The following GPATCH2L variants were observed in gnomAD, a reference collection of about 807,000 sequenced individuals.
GPATCH2L encodes G-patch domain containing 2 like.
Under a neutral mutation model 57.4 loss-of-function variants are expected in GPATCH2L, and 31 were observed. That is an observed-to-expected ratio of 0.54 (90% CI 0.41 to 0.73). GPATCH2L has a LOEUF of 0.73. Among genes scored for constraint, GPATCH2L ranks in the 30% least tolerant of loss-of-function variants. The pLI is 0.00. For missense variants in GPATCH2L, 481 were observed against 599.9 expected, an observed-to-expected ratio of 0.80 and a Z score of 2.07; for synonymous variants, 199 against 210.7, an observed-to-expected ratio of 0.94 and a Z score of 0.48.
At position 76,202,444 on chromosome 14, in the gene GPATCH2L, G is replaced by A. The variant is rs1031419278; in HGVS notation, c.*593G>A. The A allele has an allele frequency of 6.6e-6, 1 of 152,572 alleles. No individual in the cohort carries two copies. The highest frequency in any genetic ancestry group is 2.4e-5 in the African/African-American group (1 of 41,404). 9.5% of individuals were successfully genotyped at this position (152,572 alleles called of 1,614,324 possible). ...ACTTCCATTTTTTTGCAGATTGTCT[G>A]CAGAAACTCAGACAGCTCATCAGCA... On this transcript the variant is annotated 3_prime_UTR_variant, in exon 10 of 10. Coordinates refer to ENST00000261530, the MANE Select transcript of GPATCH2L (RefSeq NM_017926.4).
chr14:76,230,154 G>A (rs144129107), intron 2 of GPATCH2L, among the ~76,000 whole-genome samples: 55 of 152,320 alleles, frequency 3.6e-4, no homozygotes, highest in African/African-American at 1.2e-3. Context: ...TTAAGGGACA[G>A]CCTAGCCTTG....
intron 1 of GPATCH2L, among the ~76,000 whole-genome samples, chr14:76,220,357 A>T (rs1434359033): frequency 6.6e-6 from 1 of 152,246 alleles, no homozygotes; most frequent in East Asian, 1.9e-4. Context: ...TGATATAGCT[A>T]TACAAATATC....
Position 76,202,026 on chromosome 14 carries a change from A to C in GPATCH2L, c.*175A>C. 2.0e-6 allele frequency: 1 copy of C among 502,518 alleles called. No homozygotes were observed. 31.1% of individuals were successfully genotyped at this position (502,518 alleles called of 1,614,324 possible). ...TTCTCTCAGAAGATCATGTTGTGGGAATCTTTTTTTTAAATAGTGAAATAT... is the reference window on the plus strand; with the variant it reads ...TTCTCTCAGAAGATCATGTTGTGGGCATCTTTTTTTTAAATAGTGAAATAT... On this transcript the variant is annotated 3_prime_UTR_variant, in exon 10 of 10. Coordinates refer to ENST00000261530, the MANE Select transcript of GPATCH2L (RefSeq NM_017926.4).
intron 1 of GPATCH2L, among the ~76,000 whole-genome samples, chr14:76,223,621 A>T (rs1003200653): frequency 1.3e-5 from 2 of 152,226 alleles, no homozygotes; most frequent in African/African-American, 4.8e-5. Context: ...CTTCAAAAAG[A>T]CACTGTCAAG....
chr14:76,164,187 C>T (rs1420633259), intron 2 of GPATCH2L, among the ~76,000 whole-genome samples: 1 of 152,186 alleles, frequency 6.6e-6, no homozygotes, highest in Non-Finnish European at 1.5e-5. Flanking sequence ...CTCCTCTCTT[C>T]TCAAGTAGTT....
At chr14:76,188,251 A>G (rs1458579431) in intron 8 of GPATCH2L, among the ~76,000 whole-genome samples, 2 of 152,096 alleles carry the variant, frequency 1.3e-5, no homozygotes, top group African/African-American at 4.8e-5. Context: ...AGATTGCTGG[A>G]TCATATGGTA....
chr14:76,154,517 A>T lies in GPATCH2L; in HGVS notation c.154A>T (p.Thr52Ser). 1 of 1,614,062 alleles carries T rather than the reference A, an allele frequency of 6.2e-7. No homozygotes were observed. Among genetic ancestry groups the T allele is most frequent in the Non-Finnish European group, 8.5e-7 (1 of 1,179,998 alleles). Residue 52 changes from threonine (T) to serine (S), a missense_variant, in exon 2 of 10, where the codon ACT becomes TCT. Thr to Ser is a moderately conservative substitution (Grantham distance 58). Coordinates refer to ENST00000261530, the MANE Select transcript of GPATCH2L (RefSeq NM_017926.4). The surrounding 1 kb of genome is among the most constrained non-coding windows in gnomAD (Gnocchi z 4.4). ...RRGRKRRSDF[T>S]HLAEHTCCYS... The stretch of plus-strand genomic sequence containing the variant: ...AGGTCGGAAGCGTCGTTCTGACTTC[A>T]CTCACCTGGCAGAGCATACCTGCTG...
At chr14:76,182,876 G>T (rs2039628614) in intron 8 of GPATCH2L, among the ~76,000 whole-genome samples, 1 of 152,182 alleles carries the variant, frequency 6.6e-6, no homozygotes, top group African/African-American at 2.4e-5. Context: ...AGAGGTGGTT[G>T]TGCTCAAGCT....
At chr14:76,230,375 G>A (rs113362328) in intron 2 of GPATCH2L, 13 of 152,158 alleles carry the variant, frequency 8.5e-5, no homozygotes, top group African/African-American at 2.9e-4. Context: ...TGGGGGTGAT[G>A]AGTAGCTCCT....
chr14:76,169,187 C>G (rs914936478), intron 3 of GPATCH2L, among the ~76,000 whole-genome samples: 1 of 152,092 alleles, frequency 6.6e-6, no homozygotes, highest in Non-Finnish European at 1.5e-5. Context: ...GCCAATAGCC[C>G]TTTCTCCTTT....
At position 76,211,262 on chromosome 14, in the gene GPATCH2L, G is replaced by A. The variant is rs2040437603; in HGVS notation, c.*9411G>A. On this transcript the variant is annotated 3_prime_UTR_variant, in exon 10 of 10. Coordinates refer to ENST00000261530, the MANE Select transcript of GPATCH2L (RefSeq NM_017926.4). ...GTATACTGGCTTACTTGTTGAGTTGGAGAACTATTGCCGTATTCCTCTGCT... is the reference window on the plus strand; with the variant it reads ...GTATACTGGCTTACTTGTTGAGTTGAAGAACTATTGCCGTATTCCTCTGCT... 6.6e-6 allele frequency: 1 copy of A among 152,188 alleles called. No individual in the cohort carries two copies. The highest frequency in any genetic ancestry group is 2.1e-4 in the South Asian group (1 of 4,838). 9.4% of individuals were successfully genotyped at this position (152,188 alleles called of 1,614,324 possible).
At chr14:76,199,413 C>T (rs2040249602) in intron 9 of GPATCH2L, among the ~76,000 whole-genome samples, 1 of 151,986 alleles carries the variant, frequency 6.6e-6, no homozygotes, top group African/African-American at 2.4e-5. Flanking sequence ...TCACCGGGTT[C>T]TGTTTTTGAG....
At chr14:76,163,440 G>A (rs2038691559) in intron 2 of GPATCH2L, among the ~76,000 whole-genome samples, 1 of 151,744 alleles carries the variant, frequency 6.6e-6, no homozygotes, top group Admixed American at 6.6e-5. Context: ...GCTGAGAGTA[G>A]TGCCTCCTCT....
Position 76,154,448 on chromosome 14 carries a change from G to C in GPATCH2L, c.85G>C (p.Ala29Pro), listed in dbSNP as rs758490114. The C allele has an allele frequency of 3.7e-6, 6 of 1,614,180 alleles. No homozygotes were observed. Among genetic ancestry groups the C allele is most frequent in the African/African-American group, 1.3e-5 (1 of 75,070 alleles). ...GCTTGGTGAACTGTGGGAGGAGATG[G>C]CGCTGAGCCCCCGACAGCAGAGGCG... ...NKLGELWEEM[A>P]LSPRQQRRQL... Residue 29 changes from alanine (A) to proline (P), a missense_variant, in exon 2 of 10, where the codon GCG (alanine) becomes CCG (proline). Transcript: ENST00000261530. The surrounding 1 kb of genome is among the most constrained non-coding windows in gnomAD (Gnocchi z 4.4).
At position 76,154,617 on chromosome 14, in the gene GPATCH2L, T is replaced by G. The variant is rs1566764531; in HGVS notation, c.254T>G (p.Phe85Cys). The G allele has an allele frequency of 6.2e-7, 1 of 1,614,210 alleles. No homozygotes were observed. Among genetic ancestry groups the G allele is most frequent in the Non-Finnish European group, 8.5e-7 (1 of 1,180,030 alleles). Residue 85 changes from phenylalanine (F) to cysteine (C), a missense_variant, in exon 2 of 10, where the codon TTT becomes TGT. By Grantham distance (205) the Phe-to-Cys change is radical (BLOSUM62 -2). Coordinates refer to ENST00000261530, the MANE Select transcript of GPATCH2L (RefSeq NM_017926.4). This position sits in a 1 kb window ranked among gnomAD's most constrained non-coding sequence, Gnocchi z 4.4. ...CGAGAAGTGGCTCCGGTGACCAATT[T>G]TAGTGACTCTGATGACACAATGGTA... The part of the protein sequence containing the change: ...DCREVAPVTN[F>C]SDSDDTMVAK...
chr14:76,173,837 C>CA (rs59407603), intron 5 of GPATCH2L: 1,388 of 408,174 alleles, frequency 3.4e-3, no homozygotes, highest in East Asian at 4.5e-3. Flanking sequence ...GAAGTACTGA[C>CA]AAAAAAAAAA....
rs552366385 is a variant in GPATCH2L, at chr14:76,178,566, C to T, written c.1107+524C>T. ...ACTGGTCATAATGTAGCTTGTGCTC[C>T]TGCAACTACACAGTCCCACCTGGGG... On this transcript the variant is annotated intron_variant, in intron 7 of 9. Transcript: ENST00000261530. 5.7e-5 allele frequency: 11 copies of T among 193,252 alleles called. No homozygotes were observed. In the East Asian group the frequency reaches 1.6e-3, roughly 29 times the overall value. The allele number at this position is 193,252 out of a possible 1,614,324, so 12.0% of individuals were successfully genotyped here. A position where few individuals can be genotyped will look rare whatever the true frequency, so the allele number is the denominator to read the frequency against.
chr14:76,163,416 A>T (rs532823216), intron 2 of GPATCH2L, among the ~76,000 whole-genome samples: 1 of 152,314 alleles, frequency 6.6e-6, no homozygotes, highest in South Asian at 2.1e-4. Flanking sequence ...TTCCTGAGGC[A>T]CTTGTAGATC....
chr14:76,166,526 T>G, intron 2 of GPATCH2L, 137 bp from the exon 3 acceptor site: 1 of 542,158 alleles, frequency 1.8e-6, no homozygotes, highest in East Asian at 3.0e-5. Context: ...ACTTTGTAGC[T>G]TCCTGATGAA....
Sources: allele counts gnomAD v4.1 joint callset (sites outside exome capture counted in the v4.1 genomes callset), GRCh38; gene constraint gnomAD v4.1.1; non-coding constraint Gnocchi (gnomAD v3.1); transcripts MANE v1.5; gene names NCBI Gene and HGNC (gene_info 2026-07-23, HGNC 2026-07-21).